PTPRD: variants seen among roughly 807,000 people sequenced by gnomAD.
PTPRD encodes receptor-type tyrosine-protein phosphatase delta.
In PTPRD, 34 loss-of-function variants were observed where a neutral mutation model predicts 214.5. The ratio of observed to expected loss-of-function variants is 0.16; its 90% CI spans 0.12 to 0.21. The LOEUF is 0.21. PTPRD is among the 10% of genes least tolerant of loss of function. The pLI is 1.00. For synonymous variants in PTPRD, 1,128 were observed against 845.7 expected, an observed-to-expected ratio of 1.33 and a Z score of -5.79; for missense variants, 2,545 against 2,398.7, an observed-to-expected ratio of 1.06 and a Z score of -1.27.
chr9:10,237,940 C>G (rs914834282), intron 3 of PTPRD, among the ~76,000 whole-genome samples: 3 of 151,742 alleles, frequency 2.0e-5, no homozygotes, highest in Admixed American at 6.6e-5. Context: ...TATTTTTTAA[C>G]AAATGATTTG....
intron 11 of PTPRD, among the ~76,000 whole-genome samples, chr9:8,837,377 T>C (rs2097453048): frequency 6.6e-6 from 1 of 152,160 alleles, no homozygotes; most frequent in Non-Finnish European, 1.5e-5. Flanking sequence ...ATAAAGATTG[T>C]TTTTCCTCCA....
chr9:10,155,326 T>A (rs1262865975), intron 3 of PTPRD, among the ~76,000 whole-genome samples: 1 of 152,110 alleles, frequency 6.6e-6, no homozygotes, highest in Non-Finnish European at 1.5e-5. Context: ...TGAAGTTGTT[T>A]ACCAGCTGAA....
At chr9:10,305,587 C>T (rs1048013443) in intron 3 of PTPRD, among the ~76,000 whole-genome samples, 3 of 151,938 alleles carry the variant, frequency 2.0e-5, no homozygotes, top group Admixed American at 6.6e-5. Context: ...AGAAAACAAA[C>T]AACCCCATCA....
intron 10 of PTPRD, among the ~76,000 whole-genome samples, chr9:9,182,677 A>C (rs1032083780): frequency 6.6e-6 from 1 of 152,018 alleles, no homozygotes; most frequent in South Asian, 2.1e-4. Context: ...ATGGTAGATG[A>C]AATGTTTATA....
At chr9:8,729,203 C>T (rs1024297928) in intron 12 of PTPRD, among the ~76,000 whole-genome samples, 1 of 152,146 alleles carries the variant, frequency 6.6e-6, no homozygotes, top group Non-Finnish European at 1.5e-5. Flanking sequence ...CTTCTACTAT[C>T]CATTCTACCC....
chr9:9,931,896 C>A (rs530709932), intron 5 of PTPRD, among the ~76,000 whole-genome samples: 2 of 151,050 alleles, frequency 1.3e-5, no homozygotes, highest in African/African-American at 2.4e-5. Context: ...GGGCAGACTG[C>A]CTCCTCAAGT....
intron 14 of PTPRD, among the ~76,000 whole-genome samples, chr9:8,537,926 T>C (rs1219086843): frequency 1.3e-5 from 2 of 152,030 alleles, no homozygotes; most frequent in Non-Finnish European, 2.9e-5. Flanking sequence ...AGGCATACTG[T>C]TATTAGTGCT....
chr9:9,907,968 G>A (rs1247047144), intron 5 of PTPRD, among the ~76,000 whole-genome samples: 6 of 151,822 alleles, frequency 4.0e-5, no homozygotes, highest in Non-Finnish European at 5.9e-5. Context: ...ATGTATTAAT[G>A]TATCATGTAC....
chr9:10,235,935 A>C (rs2099627474), intron 3 of PTPRD, among the ~76,000 whole-genome samples: 2 of 151,976 alleles, frequency 1.3e-5, no homozygotes, highest in African/African-American at 4.8e-5. Flanking sequence ...CCAGAACCTC[A>C]GGGTCTATAG....
At chr9:9,669,380 T>C (rs1213550356) in intron 7 of PTPRD, among the ~76,000 whole-genome samples, 1 of 152,174 alleles carries the variant, frequency 6.6e-6, no homozygotes, top group Non-Finnish European at 1.5e-5. Flanking sequence ...GGTAATCTAA[T>C]TTCTATCACT....
intron 11 of PTPRD, among the ~76,000 whole-genome samples, chr9:8,997,658 A>G (rs879555450): frequency 1.3e-5 from 2 of 152,092 alleles, no homozygotes; most frequent in Non-Finnish European, 2.9e-5. Context: ...CAAAGTGTTC[A>G]AGTGAAAGGA....
chr9:9,440,536 A>T (rs1332088351), intron 8 of PTPRD, among the ~76,000 whole-genome samples: 1 of 152,214 alleles, frequency 6.6e-6, no homozygotes, highest in Non-Finnish European at 1.5e-5. Context: ...TTAGGCAGAA[A>T]GTGTGGTCCA....
At chr9:10,131,739 T>C (rs2098887997) in intron 3 of PTPRD, among the ~76,000 whole-genome samples, 1 of 152,130 alleles carries the variant, frequency 6.6e-6, no homozygotes, top group Non-Finnish European at 1.5e-5. Flanking sequence ...GGCACAGTAA[T>C]GGTAGAAAGT....
intron 5 of PTPRD, among the ~76,000 whole-genome samples, chr9:9,818,210 G>C (rs912357): frequency 6.6e-6 from 1 of 151,964 alleles, no homozygotes; most frequent in Non-Finnish European, 1.5e-5. Flanking sequence ...TAAAGAAATC[G>C]GTCTTTAAAT....
chr9:8,774,527 C>CTGTTTT (rs2095383108), intron 11 of PTPRD, among the ~76,000 whole-genome samples: 1 of 105,226 alleles, frequency 9.5e-6, no homozygotes, highest in Admixed American at 1.2e-4. Flanking sequence ...TGAAAAGTAA[C>CTGTTTT]TTTTTTTTTT....
At chr9:9,273,989 T>C (rs1594950915) in intron 9 of PTPRD, among the ~76,000 whole-genome samples, 1 of 151,308 alleles carries the variant, frequency 6.6e-6, no homozygotes, top group Admixed American at 6.6e-5. Flanking sequence ...CTACCTTACA[T>C]CCTGCCACAT....
chr9:9,272,281 C>T (rs908570049), intron 9 of PTPRD, among the ~76,000 whole-genome samples: 2 of 151,090 alleles, frequency 1.3e-5, no homozygotes, highest in Non-Finnish European at 1.5e-5. Context: ...TGCAGGCACA[C>T]TTTAATTTTA....
At chr9:8,405,335 T>C (rs931982031) in intron 35 of PTPRD, among the ~76,000 whole-genome samples, 4 of 152,092 alleles carry the variant, frequency 2.6e-5, no homozygotes, top group Non-Finnish European at 5.9e-5. Context: ...ATATTTTCTA[T>C]TTATTATTAT....
rs371218003 is a variant in PTPRD at position 8,378,874 on chromosome 9, C to T, written c.4387-2148G>A. Among the ~76,000 whole-genome samples, 9 of 152,050 alleles carry T rather than the reference C, an allele frequency of 5.9e-5. No homozygotes were observed. The East Asian group carries it at 1.4e-3, about 23-fold the overall frequency. On this transcript the variant is annotated intron_variant, in intron 37 of 45. Transcript: ENST00000381196. Reference sequence around the variant, plus strand: ...ATACAACTTTTGGAAAAATGACTCTCCATCTACAAATCTTCTCCATTCCTA... The same window carrying T: ...ATACAACTTTTGGAAAAATGACTCTTCATCTACAAATCTTCTCCATTCCTA...
Sources: gnomAD v4.1 joint callset for allele counts (sites outside exome capture counted in the v4.1 genomes callset) on GRCh38, gnomAD v4.1.1 for gene constraint, MANE v1.5 for transcripts, NCBI Gene and HGNC (gene_info 2026-07-23, HGNC 2026-07-21) for gene names.